Variants in MYRFL observed in about 807,000 individuals in gnomAD.
MYRFL encodes myelin regulatory factor-like protein.
A neutral mutation model predicts 109.4 loss-of-function variants in MYRFL; 88 were observed. The ratio of observed to expected loss-of-function variants is 0.80; its 90% CI spans 0.68 to 0.96. The LOEUF (loss-of-function observed/expected upper bound fraction) is 0.96, where lower values mean the gene tolerates loss of function less well. MYRFL is among the 40% of genes least tolerant of loss of function. The pLI, the probability that MYRFL is intolerant of heterozygous loss-of-function variation, is 0.00. For synonymous variants in MYRFL, 324 were observed against 320.9 expected, an observed-to-expected ratio of 1.01 and a Z score of -0.10; for missense variants, 957 against 954.9, an observed-to-expected ratio of 1.00 and a Z score of -0.03.
At chr12:69,873,630 C>T (rs1252726647) in intron 2 of MYRFL, among the ~76,000 whole-genome samples, 2 of 152,056 alleles carry the variant, frequency 1.3e-5, no homozygotes, top group Non-Finnish European at 2.9e-5. Context: ...TGTGGATATA[C>T]TGGAAAAAGG....
chr12:69,945,886 C>G (rs1193351117), intron 19 of MYRFL, among the ~76,000 whole-genome samples: 3 of 138,036 alleles, frequency 2.2e-5, no homozygotes, highest in Non-Finnish European at 4.6e-5. Flanking sequence ...ACTTGGGAGG[C>G]TGAGGCAGGA....
chr12:69,878,394 C>T (rs1437667348), intron 2 of MYRFL, among the ~76,000 whole-genome samples: 2 of 152,062 alleles, frequency 1.3e-5, no homozygotes, highest in Non-Finnish European at 2.9e-5. Flanking sequence ...AAAATCATTG[C>T]TGTAGGGACA....
chr12:69,938,851 C>T (rs1248980673), intron 19 of MYRFL, among the ~76,000 whole-genome samples: 1 of 152,042 alleles, frequency 6.6e-6, no homozygotes, highest in Non-Finnish European at 1.5e-5. Flanking sequence ...GTGCGCGAGC[C>T]GAAGCAGGGC....
At chr12:69,915,171 C>T (rs890785684) in intron 13 of MYRFL, among the ~76,000 whole-genome samples, 1 of 152,146 alleles carries the variant, frequency 6.6e-6, no homozygotes, top group Non-Finnish European at 1.5e-5. Context: ...GCAGTATGTA[C>T]AGCGAGCCTC....
chr12:69,893,709 T>A (rs1247749259), intron 7 of MYRFL, 55 bp from the exon 8 acceptor site: 1 of 1,126,918 alleles, frequency 8.9e-7, no homozygotes, highest in East Asian at 3.1e-5. Context: ...CATTCTTTGC[T>A]GATTAACATT....
intron 10 of MYRFL, among the ~76,000 whole-genome samples, chr12:69,898,338 A>G (rs1592782458): frequency 1.3e-5 from 2 of 152,348 alleles, no homozygotes; most frequent in African/African-American, 2.4e-5. Context: ...GATGATAGAA[A>G]TGAGGTAAAA....
rs1592765752 is a variant in MYRFL at position 69,891,589 on chromosome 12, C to CTTTCTTTCTTTCTTTCTTTCT, written c.903+440_903+441insTTCTTTTCTTTCTTTCTTTCT. Among the ~76,000 whole-genome samples, 7 of 139,252 alleles carry CTTTCTTTCTTTCTTTCTTTCT rather than the reference C, an allele frequency of 5.0e-5. No individual in the cohort carries two copies. In the East Asian group the frequency reaches 1.4e-3, roughly 28 times the overall value. The allele number at this position is 139,252 out of a possible 152,430, so 91.4% of individuals were successfully genotyped here. A position where few individuals can be genotyped will look rare whatever the true frequency, so the allele number is the denominator to read the frequency against. ...TCTTTCTTTCTTTCTTTCTTTCTTT[C>CTTTCTTTCTTTCTTTCTTTCT]TTTCTTTCTTTCTTTCTCTTTCTTT... On this transcript the variant is annotated intron_variant, in intron 7 of 24. Transcript: ENST00000552032.
At chr12:69,853,448 G>A (rs1266018802) in intron 1 of MYRFL, among the ~76,000 whole-genome samples, 5 of 151,436 alleles carry the variant, frequency 3.3e-5, no homozygotes, top group South Asian at 2.1e-4. Flanking sequence ...GGTGGTGGTC[G>A]GGCAGAGACA....
intron 1 of MYRFL, among the ~76,000 whole-genome samples, chr12:69,827,527 A>G (rs1156280973): frequency 2.0e-5 from 3 of 152,082 alleles, no homozygotes; most frequent in Non-Finnish European, 4.4e-5. Flanking sequence ...AGAGATCGCA[A>G]CATCCTCTGG....
At chr12:69,932,179 T>G (rs1010642838) in intron 15 of MYRFL, among the ~76,000 whole-genome samples, 9 of 152,156 alleles carry the variant, frequency 5.9e-5, no homozygotes, top group Non-Finnish European at 1.3e-4. Flanking sequence ...TCATCTGTGG[T>G]CTGACAACAT....
intron 1 of MYRFL, among the ~76,000 whole-genome samples, chr12:69,841,789 T>C (rs1245329411): frequency 2.0e-5 from 3 of 152,198 alleles, no homozygotes; most frequent in Non-Finnish European, 2.9e-5. Context: ...CTATGATATG[T>C]TTTTATGTCA....
chr12:69,863,134 C>T (rs991815134), intron 2 of MYRFL, among the ~76,000 whole-genome samples: 14 of 152,060 alleles, frequency 9.2e-5, no homozygotes, highest in African/African-American at 2.9e-4. Flanking sequence ...TTTTGATGTG[C>T]TGCTGGATTC....
intron 6 of MYRFL, among the ~76,000 whole-genome samples, chr12:69,887,798 A>T (rs942690645): frequency 2.0e-5 from 3 of 152,294 alleles, no homozygotes; most frequent in African/African-American, 7.2e-5. Context: ...AGACTTTGGG[A>T]GTTGGTGTGT....
chr12:69,829,215 T>C lies in MYRFL; in HGVS notation c.46+3652T>C, dbSNP rs187857497. 6.9e-4 allele frequency among the ~76,000 whole-genome samples: 105 copies of C among 152,214 alleles called. 1 individual carries two copies. Among genetic ancestry groups the C allele is most frequent in the Non-Finnish European group, 1.2e-3 (80 of 67,972 alleles). Reference sequence around the variant, plus strand: ...AGGAAGAATAGTCTGTTCAGGAAACTGCCATCAAAAAAGCTTTGAACATTT... The same window carrying C: ...AGGAAGAATAGTCTGTTCAGGAAACCGCCATCAAAAAAGCTTTGAACATTT... On this transcript the variant is annotated intron_variant, in intron 1 of 24. Transcript: ENST00000552032.
At chr12:69,841,165 T>C (rs1197503415) in intron 1 of MYRFL, among the ~76,000 whole-genome samples, 1 of 152,214 alleles carries the variant, frequency 6.6e-6, no homozygotes, top group African/African-American at 2.4e-5. Context: ...AGTGCCCTGC[T>C]GCTCACTTCT....
At chr12:69,896,536 G>A (rs939965320) in intron 9 of MYRFL, among the ~76,000 whole-genome samples, 1 of 152,200 alleles carries the variant, frequency 6.6e-6, no homozygotes, top group African/African-American at 2.4e-5. Flanking sequence ...CGTATGAAGA[G>A]GAATTGAAAT....
intron 1 of MYRFL, among the ~76,000 whole-genome samples, chr12:69,833,292 A>G (rs1882744269): frequency 1.3e-5 from 2 of 152,142 alleles, no homozygotes; most frequent in Non-Finnish European, 2.9e-5. Flanking sequence ...GTGGTTGTTA[A>G]ACTAGGAAAG....
At chr12:69,835,328 T>A (rs1332811927) in intron 1 of MYRFL, among the ~76,000 whole-genome samples, 2 of 152,198 alleles carry the variant, frequency 1.3e-5, no homozygotes, top group Non-Finnish European at 2.9e-5. Context: ...GGATAGAAGT[T>A]TTTAACTACT....
chr12:69,836,062 A>C lies in MYRFL; in HGVS notation c.46+10499A>C, dbSNP rs568653625. Among the ~76,000 whole-genome samples, 3 of 152,248 alleles carry C rather than the reference A, an allele frequency of 2.0e-5. No homozygotes were observed. In the East Asian group the frequency reaches 5.8e-4, roughly 29 times the overall value. ...CACGTGGGCTTGGAGAATGAGTGCAAGGTTTTATTGACTGGAAGTAGCTCG... is the reference window on the plus strand; with the variant it reads ...CACGTGGGCTTGGAGAATGAGTGCACGGTTTTATTGACTGGAAGTAGCTCG... On this transcript the variant is annotated intron_variant, in intron 1 of 24. Transcript: ENST00000552032.
Sources: gnomAD v4.1 joint callset for allele counts (sites outside exome capture counted in the v4.1 genomes callset) on GRCh38, gnomAD v4.1.1 for gene constraint, MANE v1.5 for transcripts, NCBI Gene and HGNC (gene_info 2026-07-23, HGNC 2026-07-21) for gene names.